ROBO2: variants seen among roughly 807,000 people sequenced by gnomAD.
The protein encoded by ROBO2 is roundabout homolog 2.
A neutral mutation model predicts 160.8 loss-of-function variants in ROBO2; 53 were observed. The ratio of observed to expected loss-of-function variants is 0.33; its 90% CI spans 0.26 to 0.41. The LOEUF is 0.41. Ranked by LOEUF, ROBO2 falls within the 10% of genes least tolerant of loss-of-function variation. The probability of loss-of-function intolerance (pLI) is 1.00; values close to 1 mark genes in which losing one functional copy is unlikely to be tolerated. For missense variants in ROBO2, 1,577 were observed against 1,722.4 expected, an observed-to-expected ratio of 0.92 and a Z score of 1.49; for synonymous variants, 664 against 611.7, an observed-to-expected ratio of 1.09 and a Z score of -1.26.
chr3:76,061,676 G>C (rs995339115), intron 2 of ROBO2, among the ~76,000 whole-genome samples: 6 of 152,140 alleles, frequency 3.9e-5, no homozygotes, highest in Non-Finnish European at 8.8e-5. Context: ...CTTATTAATT[G>C]TATTAGTTCT....
At chr3:76,777,663 C>A (rs918566761) in intron 2 of ROBO2, among the ~76,000 whole-genome samples, 1 of 150,138 alleles carries the variant, frequency 6.7e-6, no homozygotes, top group African/African-American at 2.4e-5. Context: ...AAAGTTTGAT[C>A]TAAAAATTGC....
intron 2 of ROBO2, among the ~76,000 whole-genome samples, chr3:76,119,555 C>T (rs1054823777): frequency 6.6e-6 from 1 of 151,802 alleles, no homozygotes; most frequent in Non-Finnish European, 1.5e-5. Flanking sequence ...CAGAGGCAAG[C>T]TTAGGGTTAA....
At chr3:77,060,308 G>A (rs9864075) in intron 1 of ROBO2, among the ~76,000 whole-genome samples, 8,169 of 152,154 alleles carry the variant, frequency 0.054, 718 homozygotes, top group African/African-American at 0.19. Context: ...CTTGTTCTTA[G>A]TAATCCCAAG....
At chr3:76,786,533 A>G (rs576681570) in intron 2 of ROBO2, among the ~76,000 whole-genome samples, 4 of 151,324 alleles carry the variant, frequency 2.6e-5, no homozygotes, top group African/African-American at 9.7e-5. Context: ...TGAGAACTCT[A>G]TCATGAGACA....
intron 1 of ROBO2, among the ~76,000 whole-genome samples, chr3:75,916,054 T>G (rs1946797590): frequency 6.6e-6 from 1 of 152,224 alleles, no homozygotes; most frequent in South Asian, 2.1e-4. Context: ...ATATCACTTG[T>G]ACTACAAAGT....
chr3:76,924,152 T>C (rs1330922742), intron 2 of ROBO2, among the ~76,000 whole-genome samples: 1 of 152,204 alleles, frequency 6.6e-6, no homozygotes, highest in Non-Finnish European at 1.5e-5. Context: ...GACCTATATC[T>C]ATTCTTGTCC....
At chr3:76,846,229 G>A (rs2068762849) in intron 2 of ROBO2, among the ~76,000 whole-genome samples, 1 of 152,092 alleles carries the variant, frequency 6.6e-6, no homozygotes, top group African/African-American at 2.4e-5. Context: ...TATATTCCTT[G>A]TTAGTAATTA....
At chr3:76,754,980 T>A (rs554148419) in intron 2 of ROBO2, among the ~76,000 whole-genome samples, 2 of 152,046 alleles carry the variant, frequency 1.3e-5, no homozygotes, top group South Asian at 4.1e-4. Context: ...TCACATTAGA[T>A]AAATTTTGTC....
At position 76,079,429 on chromosome 3, in the gene ROBO2, ATT is replaced by A. The variant is rs530799133; in HGVS notation, c.109+141828_109+141829del. Among the ~76,000 whole-genome samples the A allele has an allele frequency of 9.2e-4, 139 of 151,350 alleles. 1 individual carries two copies. Among genetic ancestry groups the A allele is most frequent in the African/African-American group, 3.2e-3 (133 of 41,338 alleles). ...TGTATTCCTATAAATATGTGCAATT[ATT>A]ACGTATCATTAAACATTGAAAATTT... On this transcript the variant is annotated intron_variant, in intron 2 of 26. Transcript: ENST00000487694.
intron 5 of ROBO2, among the ~76,000 whole-genome samples, chr3:77,501,576 T>G (rs1257838340): frequency 6.6e-6 from 1 of 152,212 alleles, no homozygotes; most frequent in Non-Finnish European, 1.5e-5. Context: ...CATGTCTGAG[T>G]ACCAGAGTCC....
Position 76,135,291 on chromosome 3 carries a change from C to T in ROBO2, c.109+197689C>T, listed in dbSNP as rs370796359. Among the ~76,000 whole-genome samples, 34 of 152,126 alleles carry T rather than the reference C, an allele frequency of 2.2e-4. 1 individual carries two copies. The South Asian group carries it at 5.4e-3, about 24-fold the overall frequency. On this transcript the variant is annotated intron_variant, in intron 2 of 26. Transcript: ENST00000487694. Reference sequence around the variant, plus strand: ...GGAATAATTAGCCTTTTAATATACCCGTCAAGGTACTGATAGAGGGCCCCC... The same window carrying T: ...GGAATAATTAGCCTTTTAATATACCTGTCAAGGTACTGATAGAGGGCCCCC...
At chr3:77,543,503 G>A (rs1408508871) in intron 6 of ROBO2, among the ~76,000 whole-genome samples, 1 of 151,986 alleles carries the variant, frequency 6.6e-6, no homozygotes, top group African/African-American at 2.4e-5. Context: ...CGTATTATCT[G>A]GATGCCAAAA....
intron 2 of ROBO2, among the ~76,000 whole-genome samples, chr3:75,939,677 T>C (rs2107051480): frequency 6.6e-6 from 1 of 152,300 alleles, no homozygotes; most frequent in South Asian, 2.1e-4. Context: ...TTAGGTATAA[T>C]GAGCAAATCT....
At chr3:76,756,950 TAA>T (rs1216934241) in intron 2 of ROBO2, among the ~76,000 whole-genome samples, 1 of 151,850 alleles carries the variant, frequency 6.6e-6, no homozygotes, top group Non-Finnish European at 1.5e-5. Context: ...GATAAATAGA[TAA>T]GAGAGAGCTG....
At chr3:77,399,834 A>T (rs1244447869) in intron 2 of ROBO2, among the ~76,000 whole-genome samples, 1 of 152,138 alleles carries the variant, frequency 6.6e-6, no homozygotes, top group East Asian at 1.9e-4. Flanking sequence ...TATCTTTGGA[A>T]AACTGAGGCC....
At chr3:76,118,447 A>T (rs1229969817) in intron 2 of ROBO2, among the ~76,000 whole-genome samples, 5 of 152,174 alleles carry the variant, frequency 3.3e-5, no homozygotes, top group Admixed American at 6.6e-5. Flanking sequence ...TGGAAAAGTC[A>T]TAAGGTCATG....
chr3:77,348,527 A>C (rs1191814742), intron 2 of ROBO2, among the ~76,000 whole-genome samples: 3 of 152,064 alleles, frequency 2.0e-5, no homozygotes, highest in Non-Finnish European at 4.4e-5. Flanking sequence ...TCATCCTGTG[A>C]CTTAGAATGA....
intron 2 of ROBO2, among the ~76,000 whole-genome samples, chr3:76,211,810 A>T (rs1191977835): frequency 6.6e-6 from 1 of 152,060 alleles, no homozygotes; most frequent in Admixed American, 6.6e-5. Flanking sequence ...TAAATTCAAA[A>T]TTACTTTTAC....
chr3:77,532,296 C>CA (rs2091798545), intron 6 of ROBO2, among the ~76,000 whole-genome samples: 1 of 151,450 alleles, frequency 6.6e-6, no homozygotes, highest in South Asian at 2.1e-4. Flanking sequence ...TGAAACTTAA[C>CA]AAAAAATATA....
Sources: allele counts gnomAD v4.1 joint callset (sites outside exome capture counted in the v4.1 genomes callset), GRCh38; gene constraint gnomAD v4.1.1; transcripts MANE v1.5; gene names NCBI Gene and HGNC (gene_info 2026-07-23, HGNC 2026-07-21).